The following CCSER1 variants were observed in gnomAD, a reference collection of about 807,000 sequenced individuals.
The protein encoded by CCSER1 is coiled-coil serine rich protein 1.
A neutral mutation model predicts 82.0 loss-of-function variants in CCSER1; 41 were observed. The ratio of observed to expected loss-of-function variants is 0.50; its 90% CI spans 0.39 to 0.65. CCSER1 has a LOEUF of 0.65. Among genes scored for constraint, CCSER1 ranks in the 30% least tolerant of loss-of-function variants. CCSER1 has a pLI of 0.00. For missense variants in CCSER1, 1,119 were observed against 1,064.2 expected (o/e 1.05, Z -0.72); for synonymous variants, 414 against 383.9 (o/e 1.08, Z -0.92).
At chr4:90,918,116 A>T (rs1299093161) in intron 8 of CCSER1, 1 of 238,496 alleles carries the variant, frequency 4.2e-6, no homozygotes, top group East Asian at 1.1e-4. Context: ...CAAGGTACAT[A>T]TTCAGTAAGT....
At chr4:91,578,450 TCACAATATAG>T in intron 10 of CCSER1, among the ~76,000 whole-genome samples, 1 of 152,136 alleles carries the variant, frequency 6.6e-6, no homozygotes, top group Middle Eastern at 3.4e-3. Context: ...TGAATCTATG[TCACAATATAG>T]CAGATTTCTG....
intron 10 of CCSER1, among the ~76,000 whole-genome samples, chr4:91,188,066 T>C (rs1160828503): frequency 6.6e-6 from 1 of 151,904 alleles, no homozygotes; most frequent in Non-Finnish European, 1.5e-5. Context: ...TTAGCTAAGC[T>C]TTAAAAAGGA....
At chr4:90,467,373 G>T (rs1266410669) in intron 4 of CCSER1, among the ~76,000 whole-genome samples, 1 of 151,488 alleles carries the variant, frequency 6.6e-6, no homozygotes, top group Non-Finnish European at 1.5e-5. Context: ...GACAGAGCGA[G>T]ACTCCTTCTA....
intron 6 of CCSER1, among the ~76,000 whole-genome samples, chr4:90,668,213 T>A (rs913690081): frequency 6.6e-5 from 10 of 152,178 alleles, no homozygotes; most frequent in South Asian, 2.1e-4. Context: ...AAATGATTTT[T>A]CTAGGTATAG....
chr4:90,210,920 A>G (rs1739872815), intron 1 of CCSER1, among the ~76,000 whole-genome samples: 1 of 151,982 alleles, frequency 6.6e-6, no homozygotes, highest in Non-Finnish European at 1.5e-5. Context: ...TTTATGATTT[A>G]ATTAGCTTTA....
At chr4:91,000,759 T>A (rs1479184439) in intron 9 of CCSER1, among the ~76,000 whole-genome samples, 1 of 152,200 alleles carries the variant, frequency 6.6e-6, no homozygotes, top group Non-Finnish European at 1.5e-5. Context: ...ATGCTACTGA[T>A]TTGAGTACAT....
At chr4:90,831,120 A>C (rs1761062145) in intron 8 of CCSER1, among the ~76,000 whole-genome samples, 1 of 152,052 alleles carries the variant, frequency 6.6e-6, no homozygotes, top group African/African-American at 2.4e-5. Context: ...AGGTATGCGC[A>C]TACTAAGATA....
At chr4:91,338,103 A>ATAATC (rs1747445652) in intron 10 of CCSER1, among the ~76,000 whole-genome samples, 1 of 152,108 alleles carries the variant, frequency 6.6e-6, no homozygotes, top group African/African-American at 2.4e-5. Flanking sequence ...CTTTAGGTAG[A>ATAATC]TAATCGTATA....
At chr4:90,911,509 A>G (rs1252167632) in intron 8 of CCSER1, among the ~76,000 whole-genome samples, 1 of 152,106 alleles carries the variant, frequency 6.6e-6, no homozygotes, top group African/African-American at 2.4e-5. Context: ...CGGTTCCAAG[A>G]TGGCCAAATA....
At chr4:90,520,909 A>G (rs1773030319) in intron 5 of CCSER1, among the ~76,000 whole-genome samples, 1 of 152,160 alleles carries the variant, frequency 6.6e-6, no homozygotes, top group Non-Finnish European at 1.5e-5. Context: ...CCCATCTTGT[A>G]GTAAATAAAT....
rs1273329874 is a variant in CCSER1, at chr4:90,373,630, GT to G, written c.1510-26405del. Among the ~76,000 whole-genome samples, 3 of 152,294 alleles carry G rather than the reference GT, an allele frequency of 2.0e-5. No individual in the cohort carries two copies. The East Asian group carries it at 5.8e-4, about 29-fold the overall frequency. ...GTAGTTAGGTCTATATTTAAAAAGT[GT>G]GAAAAAATGATACAACTGATGCATA... is the stretch of plus-strand genomic sequence containing the variant. On this transcript the variant is annotated intron_variant, in intron 3 of 10. Transcript: ENST00000509176.
chr4:90,931,714 C>G (rs1052950129), intron 9 of CCSER1, among the ~76,000 whole-genome samples: 4 of 152,118 alleles, frequency 2.6e-5, no homozygotes, highest in African/African-American at 9.7e-5. Context: ...CCTTTGACAA[C>G]TCTACTTGTA....
At chr4:91,468,607 C>T (rs896631614) in intron 10 of CCSER1, among the ~76,000 whole-genome samples, 15 of 151,192 alleles carry the variant, frequency 9.9e-5, no homozygotes, top group Non-Finnish European at 2.1e-4. Flanking sequence ...TATTAGTAAT[C>T]CAACAAATAA....
At chr4:91,109,303 G>T (rs1725895253) in intron 10 of CCSER1, among the ~76,000 whole-genome samples, 1 of 151,992 alleles carries the variant, frequency 6.6e-6, no homozygotes, top group Non-Finnish European at 1.5e-5. Context: ...TCTATCTATT[G>T]ATTGATGTAT....
chr4:91,378,780 AC>A (rs1750640542), intron 10 of CCSER1, among the ~76,000 whole-genome samples: 2 of 152,068 alleles, frequency 1.3e-5, no homozygotes, highest in African/African-American at 4.8e-5. Flanking sequence ...AGAACTTCCA[AC>A]CCTATGTTGA....
chr4:90,325,344 A>G lies in CCSER1; in HGVS notation c.1509+12297A>G, dbSNP rs969761370. Among the ~76,000 whole-genome samples the G allele has an allele frequency of 2.6e-5, 4 of 152,350 alleles. No individual in the cohort carries two copies. The South Asian group carries it at 6.2e-4, about 24-fold the overall frequency. Reference sequence around the variant, plus strand: ...AAGGACAGCAGTAAATGAGAATTAGATATCTTTTACCTGTAACCCTACGAA... The same window carrying G: ...AAGGACAGCAGTAAATGAGAATTAGGTATCTTTTACCTGTAACCCTACGAA... On this transcript the variant is annotated intron_variant, in intron 3 of 10. Coordinates refer to ENST00000509176, the MANE Select transcript of CCSER1 (RefSeq NM_001145065.2).
At chr4:91,090,603 A>G (rs1203762863) in intron 10 of CCSER1, among the ~76,000 whole-genome samples, 3 of 152,154 alleles carry the variant, frequency 2.0e-5, no homozygotes, top group Non-Finnish European at 4.4e-5. Flanking sequence ...TGGGCTGGGA[A>G]TTCATCAGGA....
intron 5 of CCSER1, among the ~76,000 whole-genome samples, chr4:90,538,842 T>C (rs572828402): frequency 2.0e-4 from 30 of 152,194 alleles, no homozygotes; most frequent in Non-Finnish European, 3.5e-4. Context: ...GGTGAGGACT[T>C]TGTGAACTGA....
intron 5 of CCSER1, among the ~76,000 whole-genome samples, chr4:90,504,948 A>G (rs1163470126): frequency 1.3e-5 from 2 of 152,124 alleles, no homozygotes; most frequent in South Asian, 2.1e-4. Context: ...AAAAACTGAA[A>G]CATCTTTGGG....
Sources: allele counts gnomAD v4.1 joint callset (sites outside exome capture counted in the v4.1 genomes callset), GRCh38; gene constraint gnomAD v4.1.1; transcripts MANE v1.5; gene names NCBI Gene and HGNC (gene_info 2026-07-23, HGNC 2026-07-21).